Variants in SCN1A observed in about 807,000 individuals in gnomAD.
SCN1A encodes the protein sodium voltage-gated channel alpha subunit 1, also known as sodium channel protein type 1 subunit alpha.
Under a neutral mutation model 193.7 loss-of-function variants are expected in SCN1A, and 13 were observed. That is an observed-to-expected ratio of 0.07 (90% confidence interval 0.04 to 0.11). The LOEUF (loss-of-function observed/expected upper bound fraction) is 0.11. Among genes scored for constraint, SCN1A ranks in the 10% least tolerant of loss-of-function variants. The probability of loss-of-function intolerance (pLI) is 1.00; values close to 1 mark genes in which losing one functional copy is unlikely to be tolerated. For missense variants in SCN1A, 1,432 were observed against 2,451.1 expected (o/e 0.58, Z 8.78); for synonymous variants, 781 against 843.6 (o/e 0.93, Z 1.29).
chr2:166,136,708 G>T (rs552669821), intron 1 of SCN1A, among the ~76,000 whole-genome samples: 19 of 152,310 alleles, frequency 1.2e-4, no homozygotes, highest in Middle Eastern at 6.8e-3. Context: ...GACCAAGTGG[G>T]TTAAGATGGT....
upstream of SCN1A, among the ~76,000 whole-genome samples, chr2:166,132,707 ATATCT>A (rs1458030289): frequency 6.6e-6 from 1 of 152,196 alleles, no homozygotes; most frequent in Non-Finnish European, 1.5e-5. Flanking sequence ...TGATTTCAAA[ATATCT>A]TATAGGTACT....
chr2:166,012,649 G>A (rs1475307684), intron 21 of SCN1A, among the ~76,000 whole-genome samples: 1 of 133,664 alleles, frequency 7.5e-6, no homozygotes, highest in Non-Finnish European at 1.6e-5. Context: ...ATAGAAAGGA[G>A]GTTGAAGAAA....
At chr2:166,132,811 A>C (rs1310038425), upstream of SCN1A, among the ~76,000 whole-genome samples, 1 of 152,158 alleles carries the variant, frequency 6.6e-6, no homozygotes, top group Non-Finnish European at 1.5e-5. Context: ...TATGATATAA[A>C]AATATCTGAG....
chr2:166,040,744 C>T (rs1489289677), intron 16 of SCN1A, among the ~76,000 whole-genome samples: 1 of 152,120 alleles, frequency 6.6e-6, no homozygotes, highest in South Asian at 2.1e-4. Context: ...TGGAAGTTTT[C>T]AATAGTTCAT....
At chr2:166,044,657 GA>G (rs869204887) in intron 13 of SCN1A, among the ~76,000 whole-genome samples, 27 of 151,274 alleles carry the variant, frequency 1.8e-4, no homozygotes, top group African/African-American at 2.4e-4. Context: ...AAGTTAGGGG[GA>G]AAAAAAACAT....
chr2:166,112,344 G>C (rs149437245), intron 2 of SCN1A, among the ~76,000 whole-genome samples: 1 of 152,302 alleles, frequency 6.6e-6, no homozygotes, highest in East Asian at 1.9e-4. Flanking sequence ...TCAGATGACT[G>C]TTAGCATTTT....
chr2:166,120,596 C>CTCTTTTTTTTTTTTTTTTTTTTTTT (rs1690449555), intron 2 of SCN1A, among the ~76,000 whole-genome samples: 1 of 72,456 alleles, frequency 1.4e-5, no homozygotes, highest in Admixed American at 2.3e-4. Flanking sequence ...TTTCTTTTCT[C>CTCTTTTTTTTTTTTTTTTTTTTTTT]TTTTTTTTTT....
intron 13 of SCN1A, among the ~76,000 whole-genome samples, chr2:166,044,825 C>T (rs1050852700): frequency 6.6e-6 from 1 of 152,088 alleles, no homozygotes; most frequent in Non-Finnish European, 1.5e-5. Context: ...GTTCTCCTGA[C>T]TGTCAACTTG....
At chr2:166,001,457 G>A (rs1690826424) in intron 24 of SCN1A, among the ~76,000 whole-genome samples, 1 of 151,766 alleles carries the variant, frequency 6.6e-6, no homozygotes. Flanking sequence ...TTTGACCAGT[G>A]TTGGTTTGTT....
At chr2:166,006,947 C>T (rs943956627) in intron 23 of SCN1A, among the ~76,000 whole-genome samples, 14 of 151,226 alleles carry the variant, frequency 9.3e-5, no homozygotes, top group African/African-American at 3.4e-4. Flanking sequence ...CCAGTAATCT[C>T]CCCAAAGATG....
chr2:166,036,162 G>C lies in SCN1A; in HGVS notation c.3315C>G (p.Phe1105Leu), dbSNP rs1490831947. 6.2e-7 allele frequency: 1 copy of C among 1,613,930 alleles called. No individual in the cohort carries two copies. ...YIIDESDYMS[F>L]INNPSLTVTV... ...TCACAGTAAGACTGGGGTTGTTTAT[G>C]AATGACATGTAATCACTTTCATCAA... The change falls in exon 19 of 29, where the codon TTC (phenylalanine) becomes TTG (leucine). Residue 1105 changes from phenylalanine to leucine, a missense_variant. Transcript: ENST00000674923.
In SCN1A at chr2:165,989,059, TGTGTGTGTGC is replaced by T. The variant is rs61314008; in HGVS notation, c.*2176_*2185del. 0.37 allele frequency: 42,542 copies of T among 115,012 alleles called. 6,886 individuals carry two copies. Among genetic ancestry groups the T allele is most frequent in the Non-Finnish European group, 0.47 (25,240 of 53,550 alleles). The allele number at this position is 115,012 out of a possible 1,614,324, so 7.1% of individuals were successfully genotyped here. A position where few individuals can be genotyped will look rare whatever the true frequency, so the allele number is the denominator to read the frequency against. Reference sequence around the variant, plus strand: ...GTGTGTGTGTGTGTGTGTGTGTGTGTGTGTGTGTGCGCGCGCGCTCCCCTTCTCCCCCAAT... The same window carrying T: ...GTGTGTGTGTGTGTGTGTGTGTGTGTGCGCGCGCTCCCCTTCTCCCCCAAT... On this transcript the variant is annotated 3_prime_UTR_variant, in exon 29 of 29. Coordinates refer to ENST00000674923, the MANE Select transcript of SCN1A (RefSeq NM_001165963.4).
intron 28 of SCN1A, chr2:165,993,323 C>G (rs1420436856): frequency 1.3e-5 from 2 of 151,904 alleles, no homozygotes; most frequent in Non-Finnish European, 2.9e-5. Flanking sequence ...ATACAATGAG[C>G]TGGATATAAG....
intron 28 of SCN1A, chr2:165,993,534 C>A (rs1573960006): frequency 6.6e-6 from 1 of 152,464 alleles, no homozygotes; most frequent in African/African-American, 2.4e-5. Flanking sequence ...GTTATGTGTT[C>A]CAGGCTTTGA....
At chr2:166,011,974 T>C in intron 22 of SCN1A, 135 bp downstream of exon 22, 2 of 746,562 alleles carry the variant, frequency 2.7e-6, no homozygotes, top group Non-Finnish European at 4.7e-6. Flanking sequence ...AATGACACTC[T>C]CATTGCATAT....
intron 2 of SCN1A, among the ~76,000 whole-genome samples, chr2:166,094,184 T>G (rs1490298994): frequency 1.3e-5 from 2 of 152,224 alleles, no homozygotes; most frequent in African/African-American, 4.8e-5. Flanking sequence ...CCATTATTAT[T>G]ACACCTTAAA....
intron 17 of SCN1A, among the ~76,000 whole-genome samples, chr2:166,038,617 C>T (rs1407027420): frequency 6.6e-6 from 1 of 152,170 alleles, no homozygotes; most frequent in Non-Finnish European, 1.5e-5. Flanking sequence ...GGATTACAGG[C>T]ATGAGCCACC....
chr2:166,025,078 T>A (rs1694574340), intron 19 of SCN1A, among the ~76,000 whole-genome samples: 4 of 152,208 alleles, frequency 2.6e-5, no homozygotes, highest in African/African-American at 9.6e-5. Context: ...TTTCTGTGTC[T>A]GTGTAACAAA....
At chr2:166,090,570 T>C (rs1686687731) in intron 2 of SCN1A, among the ~76,000 whole-genome samples, 1 of 152,166 alleles carries the variant, frequency 6.6e-6, no homozygotes, top group African/African-American at 2.4e-5. Flanking sequence ...AGCCAGGCCA[T>C]AGGTTCTTCA....
Sources: allele counts gnomAD v4.1 joint callset (sites outside exome capture counted in the v4.1 genomes callset), GRCh38; gene constraint gnomAD v4.1.1; transcripts MANE v1.5; gene names NCBI Gene and HGNC (gene_info 2026-07-23, HGNC 2026-07-21).